KCTD16: variants seen among roughly 807,000 people sequenced by gnomAD.
KCTD16 encodes the protein potassium channel tetramerization domain containing 16, also known as BTB/POZ domain-containing protein KCTD16.
Under a neutral mutation model 33.2 loss-of-function variants are expected in KCTD16, and 13 were observed. The observed-to-expected ratio is 0.39, with a 90% confidence interval of 0.25 to 0.62. The LOEUF (loss-of-function observed/expected upper bound fraction) is 0.62. Among genes scored for constraint, KCTD16 ranks in the 20% least tolerant of loss-of-function variants. KCTD16 has a pLI of 0.50. For missense variants in KCTD16, 441 were observed against 525.1 expected, an observed-to-expected ratio of 0.84 and a Z score of 1.57; for synonymous variants, 197 against 195.3, an observed-to-expected ratio of 1.01 and a Z score of -0.07.
intron 3 of KCTD16, among the ~76,000 whole-genome samples, chr5:144,425,711 G>A (rs1254433743): frequency 6.6e-6 from 1 of 151,972 alleles, no homozygotes; most frequent in Non-Finnish European, 1.5e-5. Context: ...CATGACTGAG[G>A]CAAAAGAAGC....
chr5:144,400,546 T>C (rs1342669109), intron 3 of KCTD16, among the ~76,000 whole-genome samples: 3 of 152,152 alleles, frequency 2.0e-5, no homozygotes. Flanking sequence ...CAGTAGATTA[T>C]AACATGATAT....
intron 3 of KCTD16, among the ~76,000 whole-genome samples, chr5:144,224,000 C>A (rs540258004): frequency 6.6e-6 from 1 of 150,682 alleles, no homozygotes; most frequent in Admixed American, 6.6e-5. Context: ...GAATTTCCCT[C>A]TCTTGAAAAC....
chr5:144,381,205 C>T (rs1752207351), intron 3 of KCTD16, among the ~76,000 whole-genome samples: 1 of 152,060 alleles, frequency 6.6e-6, no homozygotes, highest in Non-Finnish European at 1.5e-5. Flanking sequence ...AGTTCAACAT[C>T]AGTAACCATC....
chr5:144,364,276 T>C (rs1300123375), intron 3 of KCTD16, among the ~76,000 whole-genome samples: 3 of 152,296 alleles, frequency 2.0e-5, no homozygotes, highest in Non-Finnish European at 4.4e-5. Context: ...AAGCCACAAT[T>C]GCTGATGTTC....
chr5:144,249,313 T>C (rs974153440), intron 3 of KCTD16, among the ~76,000 whole-genome samples: 2 of 152,208 alleles, frequency 1.3e-5, no homozygotes, highest in East Asian at 1.9e-4. Context: ...AGCTCATGTG[T>C]TCACTCCTTA....
At chr5:144,466,039 A>G (rs550283040) in intron 3 of KCTD16, among the ~76,000 whole-genome samples, 1 of 152,018 alleles carries the variant, frequency 6.6e-6, no homozygotes, top group East Asian at 1.9e-4. Flanking sequence ...GGATTTCACC[A>G]TATTGGTCAG....
intron 2 of KCTD16, among the ~76,000 whole-genome samples, chr5:144,195,637 C>T (rs778447364): frequency 1.3e-5 from 2 of 152,174 alleles, no homozygotes; most frequent in African/African-American, 4.8e-5. Context: ...CGGTAGAGTG[C>T]TGCAACGGAC....
chr5:144,258,298 T>C (rs1256663462), intron 3 of KCTD16, among the ~76,000 whole-genome samples: 1 of 151,812 alleles, frequency 6.6e-6, no homozygotes, highest in Non-Finnish European at 1.5e-5. Flanking sequence ...TTATTATTAC[T>C]AGATAATATT....
At chr5:144,254,250 C>A (rs1166881125) in intron 3 of KCTD16, among the ~76,000 whole-genome samples, 1 of 152,124 alleles carries the variant, frequency 6.6e-6, no homozygotes, top group Non-Finnish European at 1.5e-5. Flanking sequence ...CATTCTCCTG[C>A]CTCAGCCTCC....
intron 3 of KCTD16, among the ~76,000 whole-genome samples, chr5:144,238,141 C>T (rs1372773303): frequency 6.6e-6 from 1 of 152,148 alleles, no homozygotes; most frequent in Non-Finnish European, 1.5e-5. Flanking sequence ...GGGGCTTGTG[C>T]AGCCAGATGG....
intron 2 of KCTD16, among the ~76,000 whole-genome samples, chr5:144,196,629 A>G (rs1026667405): frequency 3.3e-5 from 5 of 152,166 alleles, no homozygotes; most frequent in African/African-American, 4.8e-5. Context: ...AATTCAAGAG[A>G]TTGTTCAAGG....
At chr5:144,267,534 A>C (rs888317346) in intron 3 of KCTD16, among the ~76,000 whole-genome samples, 5 of 152,214 alleles carry the variant, frequency 3.3e-5, no homozygotes, top group Non-Finnish European at 5.9e-5. Context: ...TAAATGAATC[A>C]GTGCTTCCTG....
At chr5:144,461,474 A>G (rs1040958816) in intron 3 of KCTD16, among the ~76,000 whole-genome samples, 4 of 151,806 alleles carry the variant, frequency 2.6e-5, no homozygotes, top group African/African-American at 7.3e-5. Flanking sequence ...TGTAACTTCT[A>G]CCTCCTGAGT....
At chr5:144,443,811 T>C (rs1753763075) in intron 3 of KCTD16, among the ~76,000 whole-genome samples, 1 of 152,116 alleles carries the variant, frequency 6.6e-6, no homozygotes, top group Non-Finnish European at 1.5e-5. Flanking sequence ...TCTATAGCTG[T>C]CTTATTTTAT....
chr5:144,388,229 G>A (rs1298387874), intron 3 of KCTD16, among the ~76,000 whole-genome samples: 11 of 151,102 alleles, frequency 7.3e-5, no homozygotes, highest in East Asian at 1.9e-4. Context: ...ACAGGCGCCC[G>A]CCACCACGCC....
chr5:144,193,724 C>T (rs1035913803), intron 2 of KCTD16, among the ~76,000 whole-genome samples: 15 of 152,048 alleles, frequency 9.9e-5, no homozygotes, highest in African/African-American at 3.1e-4. Flanking sequence ...GTGCCTGGCT[C>T]ATGGCTCCAT....
In KCTD16 at chr5:144,480,443, G is replaced by T. The variant is rs1169182776; in HGVS notation, c.*6329G>T. 6.6e-6 allele frequency: 1 copy of T among 151,962 alleles called. No homozygotes were observed. Among genetic ancestry groups the T allele is most frequent in the Non-Finnish European group, 1.5e-5 (1 of 67,946 alleles). 9.4% of individuals were successfully genotyped at this position (151,962 alleles called of 1,614,324 possible). A position where few individuals can be genotyped will look rare whatever the true frequency, so the allele number is the denominator to read the frequency against. ...AAGAGTAGCATCTTATTCAAAAAAA[G>T]AATGTATTTTTGAAAGCTAAGATAG... On this transcript the variant is annotated 3_prime_UTR_variant, in exon 4 of 4. Transcript: ENST00000512467.
chr5:144,319,304 C>G (rs578144653), intron 3 of KCTD16, among the ~76,000 whole-genome samples: 2 of 152,094 alleles, frequency 1.3e-5, no homozygotes, highest in Non-Finnish European at 2.9e-5. Flanking sequence ...AAATAACTTA[C>G]GCAGACTCAC....
At chr5:144,365,613 T>C (rs913004392) in intron 3 of KCTD16, among the ~76,000 whole-genome samples, 3 of 152,186 alleles carry the variant, frequency 2.0e-5, no homozygotes, top group African/African-American at 7.2e-5. Flanking sequence ...GCCTGTTGTT[T>C]TCTTGAGAAA....
Sources: allele counts gnomAD v4.1 joint callset (sites outside exome capture counted in the v4.1 genomes callset), GRCh38; gene constraint gnomAD v4.1.1; transcripts MANE v1.5; gene names NCBI Gene and HGNC (gene_info 2026-07-23, HGNC 2026-07-21).